Variants in NAV2 observed in about 807,000 individuals in gnomAD.
NAV2 encodes the protein helicase, APC down-regulated 1.
A neutral mutation model predicts 223.2 loss-of-function variants in NAV2; 54 were observed. The observed-to-expected ratio is 0.24, with a 90% CI of 0.19 to 0.30. The LOEUF (loss-of-function observed/expected upper bound fraction) is 0.30. Ranked by LOEUF, NAV2 falls within the 10% of genes least tolerant of loss-of-function variation. The pLI is 1.00. For synonymous variants in NAV2, 1,279 were observed against 1,239.3 expected (o/e 1.03, Z -0.67); for missense variants, 2,806 against 3,147.5 (o/e 0.89, Z 2.60).
intron 1 of NAV2, among the ~76,000 whole-genome samples, chr11:19,371,029 A>AG (rs1229603629): frequency 6.6e-6 from 1 of 152,212 alleles, no homozygotes; most frequent in Non-Finnish European, 1.5e-5. Context: ...CAGAGAAGCT[A>AG]GGGTCTCAGA....
intron 14 of NAV2, among the ~76,000 whole-genome samples, chr11:20,047,712 A>G (rs2057588358): frequency 6.6e-6 from 1 of 152,154 alleles, no homozygotes; most frequent in South Asian, 2.1e-4. Context: ...GTAAGGATTG[A>G]TTGATTGATT....
At chr11:19,657,206 G>A (rs2048152123) in intron 1 of NAV2, among the ~76,000 whole-genome samples, 1 of 152,106 alleles carries the variant, frequency 6.6e-6, no homozygotes, top group African/African-American at 2.4e-5. Flanking sequence ...CTAGCCCTCT[G>A]GTATTTAGAG....
intron 1 of NAV2, among the ~76,000 whole-genome samples, chr11:19,793,707 G>A (rs78630952): frequency 2.2e-5 from 2 of 90,170 alleles, no homozygotes; most frequent in East Asian, 1.5e-3. Context: ...CCTTTCCCTG[G>A]CTACTCAAGG....
intron 1 of NAV2, among the ~76,000 whole-genome samples, chr11:19,538,385 T>C (rs868039745): frequency 1.3e-5 from 2 of 152,132 alleles, no homozygotes; most frequent in Non-Finnish European, 2.9e-5. Context: ...CTTTCACCCA[T>C]GCTGGAGTAC....
chr11:20,020,660 C>T (rs78236971), intron 11 of NAV2, among the ~76,000 whole-genome samples: 10,850 of 152,202 alleles, frequency 0.071, 1,265 homozygotes, highest in African/African-American at 0.25. Context: ...AATAAACTCA[C>T]CCCTGTAAAA....
At chr11:19,975,280 G>A (rs181013037) in intron 10 of NAV2, among the ~76,000 whole-genome samples, 3 of 152,176 alleles carry the variant, frequency 2.0e-5, no homozygotes, top group Non-Finnish European at 4.4e-5. Context: ...CCCTGCCTGC[G>A]TCCATTTCAA....
At chr11:19,604,848 C>T (rs1282697399) in intron 1 of NAV2, among the ~76,000 whole-genome samples, 2 of 152,144 alleles carry the variant, frequency 1.3e-5, no homozygotes, top group East Asian at 3.9e-4. Context: ...GAATGAATCT[C>T]ATGAGATCTA....
chr11:19,679,474 G>A (rs578089957), intron 1 of NAV2, among the ~76,000 whole-genome samples: 3 of 150,504 alleles, frequency 2.0e-5, no homozygotes, highest in East Asian at 2.0e-4. Context: ...TTGCCCCTCT[G>A]TTTTTTCTTC....
At chr11:19,702,647 G>C (rs1442493163) in intron 1 of NAV2, among the ~76,000 whole-genome samples, 5 of 152,058 alleles carry the variant, frequency 3.3e-5, no homozygotes, top group African/African-American at 9.7e-5. Context: ...GCACAGTGGT[G>C]CATGCCTATA....
intron 1 of NAV2, among the ~76,000 whole-genome samples, chr11:19,401,509 A>T (rs1407304093): frequency 6.6e-6 from 1 of 152,214 alleles, no homozygotes; most frequent in Non-Finnish European, 1.5e-5. Context: ...GCCAAGCTTT[A>T]TTTGGCCTTA....
chr11:19,457,855 T>C (rs1452103436), intron 1 of NAV2, among the ~76,000 whole-genome samples: 1 of 152,112 alleles, frequency 6.6e-6, no homozygotes, highest in African/African-American at 2.4e-5. Context: ...AGTTGCAAAC[T>C]CATGTTTTGC....
chr11:20,054,865 C>CT (rs1206502001), intron 18 of NAV2, among the ~76,000 whole-genome samples: 2 of 152,134 alleles, frequency 1.3e-5, no homozygotes, highest in Non-Finnish European at 2.9e-5. Context: ...CAATGCACAC[C>CT]TATATAATAG....
At chr11:19,632,708 A>T (rs1462785574) in intron 1 of NAV2, among the ~76,000 whole-genome samples, 1 of 152,152 alleles carries the variant, frequency 6.6e-6, no homozygotes, top group Non-Finnish European at 1.5e-5. Flanking sequence ...CCTTTCTCCT[A>T]CTTAGAAAAC....
intron 1 of NAV2, among the ~76,000 whole-genome samples, chr11:19,718,337 A>T (rs531893334): frequency 6.6e-6 from 1 of 152,358 alleles, no homozygotes; most frequent in East Asian, 1.9e-4. Context: ...TGCAAGGAAA[A>T]AAAGAAAAAA....
At position 20,107,758 on chromosome 11, in the gene NAV2, G is replaced by A. The variant is rs1435735000; in HGVS notation, c.6936G>A (p.Leu2312=). 3.1e-6 allele frequency: 5 copies of A among 1,613,830 alleles called. No individual in the cohort carries two copies. In the Admixed American group the frequency reaches 5.0e-5, roughly 16 times the overall value. The change falls in exon 36 of 38, where the codon CTG becomes CTA. Residue 2312 remains leucine, a synonymous_variant. Transcript: ENST00000349880. ...ACTATTCCATTATCCCCTATCTCCT[G>A]GAAGCCGTCAGAGAAGGACTCCAGG... ...LWNYSIIPYL[L]EAVREGLQLY...
chr11:19,404,292 G>A (rs1849803710), intron 1 of NAV2, among the ~76,000 whole-genome samples: 2 of 152,322 alleles, frequency 1.3e-5, no homozygotes, highest in African/African-American at 4.8e-5. Context: ...GGAGTCAAGT[G>A]AGGTGCACCT....
intron 10 of NAV2, among the ~76,000 whole-genome samples, chr11:19,954,550 A>G (rs2047670020): frequency 3.3e-5 from 5 of 152,266 alleles, no homozygotes; most frequent in Admixed American, 3.3e-4. Context: ...TATACTTTAA[A>G]TCATCTCTAG....
chr11:19,420,638 C>T (rs1265711078), intron 1 of NAV2, among the ~76,000 whole-genome samples: 1 of 152,208 alleles, frequency 6.6e-6, no homozygotes, highest in African/African-American at 2.4e-5. Context: ...CAAAAGAAGC[C>T]AGACACAAGA....
chr11:19,656,356 C>T (rs762663587), intron 1 of NAV2, among the ~76,000 whole-genome samples: 5 of 152,184 alleles, frequency 3.3e-5, no homozygotes, highest in Non-Finnish European at 5.9e-5. Context: ...GCTCAGCATT[C>T]ATCTGGCAGA....
Sources: allele counts gnomAD v4.1 joint callset (sites outside exome capture counted in the v4.1 genomes callset), GRCh38; gene constraint gnomAD v4.1.1; transcripts MANE v1.5; gene names NCBI Gene and HGNC (gene_info 2026-07-23, HGNC 2026-07-21).